LAX1: variants seen among roughly 807,000 people sequenced by gnomAD.
The protein encoded by LAX1 is lymphocyte transmembrane adapter 1.
In LAX1, 17 loss-of-function variants were observed where a neutral mutation model predicts 20.7. The ratio of observed to expected loss-of-function variants is 0.82; its 90% CI spans 0.56 to 1.23. The LOEUF (loss-of-function observed/expected upper bound fraction) is 1.23, where lower values mean the gene tolerates loss of function less well. LAX1 is among the 50% of genes most tolerant of loss of function. The pLI, the probability that LAX1 is intolerant of heterozygous loss-of-function variation, is 0.00. For synonymous variants in LAX1, 165 were observed against 181.0 expected (o/e 0.91, Z 0.71); for missense variants, 470 against 487.0 (o/e 0.97, Z 0.33).
chr1:203,766,998 G>A (rs1667315575), intron 1 of LAX1, among the ~76,000 whole-genome samples: 1 of 151,980 alleles, frequency 6.6e-6, no homozygotes, highest in African/African-American at 2.4e-5. Flanking sequence ...TGGGATTGCA[G>A]GCATGTGCCA....
chr1:203,769,967 G>C (rs987467203), intron 1 of LAX1, among the ~76,000 whole-genome samples: 6 of 152,196 alleles, frequency 3.9e-5, no homozygotes, highest in African/African-American at 1.4e-4. Context: ...GTGTGGCAGA[G>C]TGGAAAGAGC....
In LAX1 at chr1:203,765,383, G is replaced by A; in HGVS notation, c.-183G>A. ...CTGCAGTGGGCATTAGCCACGTCCAGGTAGAACCAAACCTGTTGCTTTTGT... is the reference window on the plus strand; with the variant it reads ...CTGCAGTGGGCATTAGCCACGTCCAAGTAGAACCAAACCTGTTGCTTTTGT... On this transcript the variant is annotated 5_prime_UTR_variant, in exon 1 of 5. Coordinates refer to ENST00000442561, the MANE Select transcript of LAX1 (RefSeq NM_017773.4). The A allele has an allele frequency of 6.4e-7, 1 of 1,551,776 alleles. No homozygotes were observed. Among genetic ancestry groups the A allele is most frequent in the South Asian group, 1.2e-5 (1 of 84,068 alleles).
At chr1:203,770,261 C>A (rs1489872832) in intron 1 of LAX1, among the ~76,000 whole-genome samples, 1 of 151,336 alleles carries the variant, frequency 6.6e-6, no homozygotes, top group Admixed American at 6.6e-5. Context: ...ATTAAAAATA[C>A]AAAAATTAGC....
chr1:203,770,707 C>T (rs1441539733), intron 1 of LAX1, 121 bp from the exon 2 acceptor site: 4 of 752,930 alleles, frequency 5.3e-6, no homozygotes, highest in Non-Finnish European at 7.0e-6. Context: ...CACACCCCAC[C>T]TGGGCTTTCC....
Position 203,765,269 on chromosome 1 carries a change from G to T in LAX1, c.-297G>T. The T allele has an allele frequency of 7.2e-7, 1 of 1,395,396 alleles. No individual in the cohort carries two copies. Among genetic ancestry groups the T allele is most frequent in the African/African-American group, 1.4e-5 (1 of 69,936 alleles). The allele number at this position is 1,395,396 out of a possible 1,614,324, so 86.4% of individuals were successfully genotyped here. A position where few individuals can be genotyped will look rare whatever the true frequency, so the allele number is the denominator to read the frequency against. Reference sequence around the variant, plus strand: ...CAGTTTCCCCCTCTGTGCCCCTCACGTTTCCACCAGAAACGTGAAGGCAGA... The same window carrying T: ...CAGTTTCCCCCTCTGTGCCCCTCACTTTTCCACCAGAAACGTGAAGGCAGA... On this transcript the variant is annotated 5_prime_UTR_variant, in exon 1 of 5. Coordinates refer to ENST00000442561, the MANE Select transcript of LAX1 (RefSeq NM_017773.4).
At position 203,776,013 on chromosome 1, in the gene LAX1, G is replaced by C. The variant is rs946023304; in HGVS notation, c.*1332G>C. The C allele has an allele frequency of 6.6e-6, 1 of 152,116 alleles. No homozygotes were observed. Among genetic ancestry groups the C allele is most frequent in the Non-Finnish European group, 1.5e-5 (1 of 68,038 alleles). The allele number at this position is 152,116 out of a possible 1,614,324, so 9.4% of individuals were successfully genotyped here. A position where few individuals can be genotyped will look rare whatever the true frequency, so the allele number is the denominator to read the frequency against. On this transcript the variant is annotated 3_prime_UTR_variant, in exon 5 of 5. Coordinates refer to ENST00000442561, the MANE Select transcript of LAX1 (RefSeq NM_017773.4). The stretch of plus-strand genomic sequence containing the variant: ...GGTGGATACATGACAATATCCATTT[G>C]CAAACACAAGAACTATACACATGGC...
chr1:203,765,342 GA>G lies in LAX1; in HGVS notation c.-223del. ...ACCTCACTTGGAAGCACCATGTCCG[GA>G]TGAGATCGCACTTCCTGCAGTGGGC... On this transcript the variant is annotated 5_prime_UTR_variant, in exon 1 of 5. The change abolishes an upstream ATG in the 5' untranslated region. Coordinates refer to ENST00000442561, the MANE Select transcript of LAX1 (RefSeq NM_017773.4). 6.4e-7 allele frequency: 1 copy of G among 1,551,692 alleles called. No homozygotes were observed. Among genetic ancestry groups the G allele is most frequent in the Non-Finnish European group, 8.7e-7 (1 of 1,146,998 alleles).
At chr1:203,769,921 G>A (rs1333552996) in intron 1 of LAX1, among the ~76,000 whole-genome samples, 2 of 152,154 alleles carry the variant, frequency 1.3e-5, no homozygotes, top group Non-Finnish European at 2.9e-5. Flanking sequence ...GAAGGGGCAA[G>A]GCCAAATGAC....
Position 203,773,157 on chromosome 1 carries a change from C to A in LAX1, c.391-718C>A, listed in dbSNP as rs1667449029. Among the ~76,000 whole-genome samples, 7 of 152,284 alleles carry A rather than the reference C, an allele frequency of 4.6e-5. No individual in the cohort carries two copies. In the South Asian group the frequency reaches 1.5e-3, roughly 32 times the overall value. On this transcript the variant is annotated intron_variant, in intron 4 of 4. Coordinates refer to ENST00000442561, the MANE Select transcript of LAX1 (RefSeq NM_017773.4). ...TTATGTCAATTATTTCAATTACCCTCAGGAGCAGAAATATCTGTTAAGTCA... is the reference window on the plus strand; with the variant it reads ...TTATGTCAATTATTTCAATTACCCTAAGGAGCAGAAATATCTGTTAAGTCA...
chr1:203,765,564 C>T lies in LAX1; in HGVS notation c.-2C>T, dbSNP rs1392638141. 1 of 1,614,148 alleles carries T rather than the reference C, an allele frequency of 6.2e-7. No individual in the cohort carries two copies. Among genetic ancestry groups the T allele is most frequent in the South Asian group, 1.1e-5 (1 of 91,070 alleles). Reference sequence around the variant, plus strand: ...GAGAGCATCTCAAAGGTTCCTGATACAATGGATGGTGTCACTCCAACCCTT... The same window carrying T: ...GAGAGCATCTCAAAGGTTCCTGATATAATGGATGGTGTCACTCCAACCCTT... On this transcript the variant is annotated 5_prime_UTR_variant, in exon 1 of 5. Coordinates refer to ENST00000442561, the MANE Select transcript of LAX1 (RefSeq NM_017773.4).
intron 1 of LAX1, among the ~76,000 whole-genome samples, chr1:203,770,164 T>C (rs1444210684): frequency 6.6e-6 from 1 of 151,910 alleles, no homozygotes; most frequent in Non-Finnish European, 1.5e-5. Flanking sequence ...ACACCTGTAA[T>C]TCCAGCACTT....
chr1:203,768,615 T>C (rs1667342514), intron 1 of LAX1, among the ~76,000 whole-genome samples: 1 of 152,160 alleles, frequency 6.6e-6, no homozygotes, highest in African/African-American at 2.4e-5. Context: ...GGCCAGATCA[T>C]ATCGTGCCGT....
In LAX1 at chr1:203,774,193, G is replaced by C; in HGVS notation, c.709G>C (p.Asp237His). 2 of 1,614,222 alleles carry C rather than the reference G, an allele frequency of 1.2e-6. No individual in the cohort carries two copies. The highest frequency in any genetic ancestry group is 8.5e-7 in the Non-Finnish European group (1 of 1,180,054). Residue 237 changes from aspartate to histidine, a missense_variant, in exon 5 of 5, where the codon GAT (aspartate) becomes CAT (histidine). Physicochemically the swap from Asp to His is moderately conservative, Grantham distance 81. Coordinates refer to ENST00000442561, the MANE Select transcript of LAX1 (RefSeq NM_017773.4). ...FTEERDEGCG[D>H]AGDCTSLYSP... Reference sequence around the variant, plus strand: ...TGAGGAAAGAGATGAGGGCTGTGGAGATGCTGGTGACTGCACCAGTTTGTA... The same window carrying C: ...TGAGGAAAGAGATGAGGGCTGTGGACATGCTGGTGACTGCACCAGTTTGTA...
At chr1:203,770,270 G>A (rs1271271050) in intron 1 of LAX1, among the ~76,000 whole-genome samples, 1 of 151,362 alleles carries the variant, frequency 6.6e-6, no homozygotes, top group Non-Finnish European at 1.5e-5. Context: ...ACAAAAATTA[G>A]CTGGGCCTCA....
intron 4 of LAX1, among the ~76,000 whole-genome samples, 195 bp from the exon 5 acceptor site, chr1:203,773,679 AC>A (rs892696569): frequency 4.6e-5 from 4 of 87,320 alleles, no homozygotes; most frequent in African/African-American, 9.0e-5. Context: ...TCCCACCCGC[AC>A]CCCCCCACCA....
chr1:203,765,632 G>A lies in LAX1; in HGVS notation c.67G>A (p.Val23Met). Residue 23 changes from valine (V) to methionine (M), a missense_variant, in exon 1 of 5, where the codon GTG becomes ATG. Physicochemically the swap from Val to Met is conservative, Grantham distance 21. Coordinates refer to ENST00000442561, the MANE Select transcript of LAX1 (RefSeq NM_017773.4). ...GACCTTGGAGTCCAGCACTCTGCATGTGACTCCCCGCAGCCTGGACAGGTG... is the reference window on the plus strand; with the variant it reads ...GACCTTGGAGTCCAGCACTCTGCATATGACTCCCCGCAGCCTGGACAGGTG... Reference protein sequence around the residue: ...GRTLESSTLHVTPRSLDRNKD... With the variant: ...GRTLESSTLHMTPRSLDRNKD... 1 of 1,614,132 alleles carries A rather than the reference G, an allele frequency of 6.2e-7. No homozygotes were observed. Among genetic ancestry groups the A allele is most frequent in the Middle Eastern group, 1.6e-4 (1 of 6,062 alleles).
chr1:203,769,432 A>G, intron 1 of LAX1, among the ~76,000 whole-genome samples: 1 of 103,234 alleles, frequency 9.7e-6, no homozygotes, highest in South Asian at 3.2e-4. Context: ...AAAGAAAGAA[A>G]GAAAGAAAGA....
Position 203,774,939 on chromosome 1 carries a change from T to G in LAX1, c.*258T>G, listed in dbSNP as rs968427787. 14 of 505,304 alleles carry G rather than the reference T, an allele frequency of 2.8e-5. No homozygotes were observed. Among genetic ancestry groups the G allele is most frequent in the African/African-American group, 2.7e-4 (14 of 52,418 alleles). 31.3% of individuals were successfully genotyped at this position (505,304 alleles called of 1,614,324 possible). On this transcript the variant is annotated 3_prime_UTR_variant, in exon 5 of 5. Transcript: ENST00000442561. ...AAGAATGTTTGCTGAAACTGCTTCC[T>G]AGAACTGTGAAGAAAGCAGGAAAGT...
In LAX1 at chr1:203,769,454, A is replaced by AAAGG. The variant is rs759242546; in HGVS notation, c.90-1372_90-1371insGGAA. Among the ~76,000 whole-genome samples, 813 of 106,466 alleles carry AAAGG rather than the reference A, an allele frequency of 7.6e-3. 21 individuals carry two copies. Among genetic ancestry groups the AAAGG allele is most frequent in the African/African-American group, 0.024 (762 of 31,152 alleles). The allele number at this position is 106,466 out of a possible 152,430, so 69.8% of individuals were successfully genotyped here. A position where few individuals can be genotyped will look rare whatever the true frequency, so the allele number is the denominator to read the frequency against. On this transcript the variant is annotated intron_variant, in intron 1 of 4. Transcript: ENST00000442561. ...GAAAGAAAGAAAGAAGGAAAGAAAG[A>AAAGG]AAAGAAAAGAAAGAAAGTTGTATAA...
Sources: gnomAD v4.1 joint callset for allele counts (sites outside exome capture counted in the v4.1 genomes callset) on GRCh38, gnomAD v4.1.1 for gene constraint, MANE v1.5 for transcripts, NCBI Gene and HGNC (gene_info 2026-07-23, HGNC 2026-07-21) for gene names.